The following LRRC45 variants were observed in gnomAD, a reference collection of about 807,000 sequenced individuals.
The protein encoded by LRRC45 is leucine rich repeat containing 45, also known as leucine-rich repeat-containing protein 45.
In LRRC45, 73 loss-of-function variants were observed where a neutral mutation model predicts 85.4. The observed-to-expected ratio is 0.85, with a 90% CI of 0.71 to 1.04. The LOEUF (loss-of-function observed/expected upper bound fraction) is 1.04, where lower values mean the gene tolerates loss of function less well. LRRC45 is among the 50% of genes least tolerant of loss of function. The pLI is 0.00. For missense variants in LRRC45, 937 were observed against 883.3 expected, an observed-to-expected ratio of 1.06 and a Z score of -0.77; for synonymous variants, 429 against 386.0, an observed-to-expected ratio of 1.11 and a Z score of -1.31.
At position 82,029,143 on chromosome 17, in the gene LRRC45, G is replaced by A; in HGVS notation, c.1359G>A (p.Glu453=). ...HLEESEKAMQ[E]RVQRLEAARL... ...AGGAGAGTGAGAAGGCCATGCAGGA[G>A]CGGGTGCAGAGGCTGGAGGCGGCGC... Residue 453 remains glutamate, a synonymous_variant, in exon 13 of 17, where the codon GAG becomes GAA. Coordinates refer to ENST00000306688, the MANE Select transcript of LRRC45 (RefSeq NM_144999.4). The A allele has an allele frequency of 1.2e-6, 2 of 1,612,662 alleles. No homozygotes were observed. The highest frequency in any genetic ancestry group is 1.7e-6 in the Non-Finnish European group (2 of 1,179,934).
Position 82,028,455 on chromosome 17 carries a change from A to C in LRRC45, c.1184A>C (p.Gln395Pro). The change falls in exon 11 of 17, where the codon CAG becomes CCG. Residue 395 changes from glutamine (Q) to proline (P), a missense_variant. Gln to Pro is a moderately conservative substitution (Grantham distance 76). Coordinates refer to ENST00000306688, the MANE Select transcript of LRRC45 (RefSeq NM_144999.4). The stretch of plus-strand genomic sequence containing the variant: ...CAGGAGCAGCTGTTCCAGACCAGGC[A>C]GGAGATGACCAGCATGTCAGCTGAG... Reference protein sequence around the residue: ...CQQEQLFQTRQEMTSMSAELK... With the variant: ...CQQEQLFQTRPEMTSMSAELK... The C allele has an allele frequency of 6.2e-7, 1 of 1,612,746 alleles. No homozygotes were observed. The highest frequency in any genetic ancestry group is 8.5e-7 in the Non-Finnish European group (1 of 1,179,944).
At position 82,030,088 on chromosome 17, in the gene LRRC45, G is replaced by C. The variant is rs1046120614; in HGVS notation, c.1518G>C (p.Glu506Asp). The C allele has an allele frequency of 3.2e-6, 5 of 1,546,310 alleles. No individual in the cohort carries two copies. In the Admixed American group the frequency reaches 9.8e-5, roughly 30 times the overall value. The change falls in exon 15 of 17, where the codon GAG becomes GAC. Residue 506 changes from glutamate to aspartate, a missense_variant. Coordinates refer to ENST00000306688, the MANE Select transcript of LRRC45 (RefSeq NM_144999.4). ...AGCAACAGCGCCTGGCTCACCTGGA[G>C]GACAAGCTGAGACTGCTGGCGCAGG... The part of the protein sequence containing the change: ...LEEQQRLAHL[E>D]DKLRLLAQAR...
chr17:82,028,429 G>A lies in LRRC45; in HGVS notation c.1158G>A (p.Gln386=). Residue 386 remains glutamine (Q), a synonymous_variant, in exon 11 of 17, where the codon CAG becomes CAA. Coordinates refer to ENST00000306688, the MANE Select transcript of LRRC45 (RefSeq NM_144999.4). ...VDELERKFRC[Q]QEQLFQTRQE... is the part of the protein sequence containing the mutation. ...AGTTGGAGCGGAAGTTCAGGTGTCAGCAGGAGCAGCTGTTCCAGACCAGGC... is the reference window on the plus strand; with the variant it reads ...AGTTGGAGCGGAAGTTCAGGTGTCAACAGGAGCAGCTGTTCCAGACCAGGC... 6.2e-7 allele frequency: 1 copy of A among 1,612,788 alleles called. No individual in the cohort carries two copies. Among genetic ancestry groups the A allele is most frequent in the African/African-American group, 1.3e-5 (1 of 75,058 alleles).
chr17:82,024,636 C>CG, intron 2 of LRRC45, 57 bp from the exon 3 acceptor site: 1 of 1,529,496 alleles, frequency 6.5e-7, no homozygotes, highest in Non-Finnish European at 8.8e-7. Context: ...GGGGCATGGG[C>CG]GGGAATTCAG....
At chr17:82,027,207 C>G (rs1241858649) in intron 6 of LRRC45, among the ~76,000 whole-genome samples, 179 bp from the exon 7 acceptor site, 3 of 152,218 alleles carry the variant, frequency 2.0e-5, no homozygotes, top group African/African-American at 4.8e-5. Flanking sequence ...GAGCTGGCGT[C>G]TGAGCCCTGA....
chr17:82,027,366 GCGGCTGTCTCTGTCCC>G lies in LRRC45; in HGVS notation c.775-18_775-3del, dbSNP rs1489957252. 1 of 1,612,340 alleles carries G rather than the reference GCGGCTGTCTCTGTCCC, an allele frequency of 6.2e-7. No individual in the cohort carries two copies. The highest frequency in any genetic ancestry group is 8.5e-7 in the Non-Finnish European group (1 of 1,179,916). On this transcript the variant is annotated splice_polypyrimidine_tract_variant and splice_region_variant and intron_variant, in intron 6 of 16. Coordinates refer to ENST00000306688, the MANE Select transcript of LRRC45 (RefSeq NM_144999.4). Reference sequence around the variant, plus strand: ...AGGCTGCAGGTGCCCTGACAGGGCTGCGGCTGTCTCTGTCCCCAGTTCCTCGACTTGATGGAGACTA... The same window carrying G: ...AGGCTGCAGGTGCCCTGACAGGGCTGCAGTTCCTCGACTTGATGGAGACTA...
Position 82,025,437 on chromosome 17 carries a change from C to T in LRRC45, c.591C>T (p.Pro197=), listed in dbSNP as rs1446615255. Residue 197 remains proline, a synonymous_variant, in exon 5 of 17, where the codon CCC becomes CCT. Coordinates refer to ENST00000306688, the MANE Select transcript of LRRC45 (RefSeq NM_144999.4). ...LGGRALMNCL[P]SNRTLWRLDL... is the part of the protein sequence containing the mutation. ...GCCGGGCCCTCATGAACTGTCTCCCCAGCAACAGAACCCTGTGGAGACTGG... is the reference window on the plus strand; with the variant it reads ...GCCGGGCCCTCATGAACTGTCTCCCTAGCAACAGAACCCTGTGGAGACTGG... 4 of 1,608,858 alleles carry T rather than the reference C, an allele frequency of 2.5e-6. No homozygotes were observed. The highest frequency in any genetic ancestry group is 3.4e-6 in the Non-Finnish European group (4 of 1,177,750).
chr17:82,028,397 G>T lies in LRRC45; in HGVS notation c.1126G>T (p.Val376Leu). Residue 376 changes from valine to leucine, a missense_variant and splice_region_variant, in exon 11 of 17, where the codon GTA becomes TTA. Physicochemically the swap from Val to Leu is conservative, Grantham distance 32. Transcript: ENST00000306688. ...TTCCCTCCCTGGTGCCGGCTTTCAG[G>T]TAGACGAGTTGGAGCGGAAGTTCAG... ...NEKNLLLQNQVDELERKFRCQ... is the reference protein window; with the variant it reads ...NEKNLLLQNQLDELERKFRCQ... The T allele has an allele frequency of 6.2e-7, 1 of 1,612,506 alleles. No homozygotes were observed. Among genetic ancestry groups the T allele is most frequent in the Admixed American group, 1.7e-5 (1 of 59,996 alleles).
In LRRC45 at chr17:82,029,562, C is replaced by G. The variant is rs765742628; in HGVS notation, c.1421C>G (p.Ala474Gly). The G allele has an allele frequency of 1.9e-6, 3 of 1,575,702 alleles. No homozygotes were observed. The highest frequency in any genetic ancestry group is 2.6e-6 in the Non-Finnish European group (3 of 1,162,244). ...GTGCAGGAGCTGAGCCGAGTGAAAGCAGCGGCACTCAGCGAGCGTGGCCAG... is the reference window on the plus strand; with the variant it reads ...GTGCAGGAGCTGAGCCGAGTGAAAGGAGCGGCACTCAGCGAGCGTGGCCAG... ...SLEEELSRVK[A>G]AALSERGQAE... is the part of the protein sequence containing the mutation. The change falls in exon 14 of 17, where the codon GCA (alanine) becomes GGA (glycine). Residue 474 changes from alanine (A) to glycine (G), a missense_variant. Physicochemically the swap from Ala to Gly is moderately conservative, Grantham distance 60. Coordinates refer to ENST00000306688, the MANE Select transcript of LRRC45 (RefSeq NM_144999.4).
Position 82,023,836 on chromosome 17 carries a change from C to G in LRRC45, c.193C>G (p.Leu65Val). 6.4e-7 allele frequency: 1 copy of G among 1,565,320 alleles called. No homozygotes were observed. The highest frequency in any genetic ancestry group is 8.6e-7 in the Non-Finnish European group (1 of 1,157,138). ...PRETLCTELV[L>V]SDCMLSEEGA... ...GGAGACGCTGTGCACGGAGCTGGTC[C>G]TGAGTGACTGCATGCTCAGCGAGGA... The change falls in exon 1 of 17, where the codon CTG becomes GTG. Residue 65 changes from leucine (L) to valine (V), a missense_variant. Physicochemically the swap from Leu to Val is conservative, Grantham distance 32. Transcript: ENST00000306688.
At chr17:82,027,104 TCCCTTCCTCGGGG>T in intron 6 of LRRC45, 93 bp downstream of exon 6, 1 of 1,159,086 alleles carries the variant, frequency 8.6e-7, no homozygotes, top group South Asian at 1.3e-5. Flanking sequence ...CTGCCCATCT[TCCCTTCCTCGGGG>T]CCCTGGAGCC....
Position 82,030,246 on chromosome 17 carries a change from G to C in LRRC45, c.1668+8G>C, listed in dbSNP as rs754318806. ...CTGGAAGAGCTGCAGCAGGTAGGCGGGGCTCCGGTGGGGGGCCCCGGGCGT... is the reference window on the plus strand; with the variant it reads ...CTGGAAGAGCTGCAGCAGGTAGGCGCGGCTCCGGTGGGGGGCCCCGGGCGT... On this transcript the variant is annotated splice_region_variant and intron_variant, in intron 15 of 16. Coordinates refer to ENST00000306688, the MANE Select transcript of LRRC45 (RefSeq NM_144999.4). The C allele has an allele frequency of 2.6e-6, 4 of 1,533,778 alleles. No individual in the cohort carries two copies. The South Asian group carries it at 4.8e-5, about 18-fold the overall frequency.
rs115959429 is a variant in LRRC45, at chr17:82,027,996, C to T, written c.912-15C>T. ...ACTCCAACCGGGGCGGGGGTGCTGCCCCTCCTTTCTGCAGGCTGCAGATGA... is the reference window on the plus strand; with the variant it reads ...ACTCCAACCGGGGCGGGGGTGCTGCTCCTCCTTTCTGCAGGCTGCAGATGA... On this transcript the variant is annotated splice_polypyrimidine_tract_variant and intron_variant, in intron 8 of 16. Coordinates refer to ENST00000306688, the MANE Select transcript of LRRC45 (RefSeq NM_144999.4). The T allele has an allele frequency of 1.9e-4, 299 of 1,589,276 alleles. 3 individuals are homozygous for T. In the African/African-American group the frequency reaches 3.4e-3, roughly 18 times the overall value.
chr17:82,030,088 G>A lies in LRRC45; in HGVS notation c.1518G>A (p.Glu506=). 1.9e-6 allele frequency: 3 copies of A among 1,546,310 alleles called. No individual in the cohort carries two copies. The highest frequency in any genetic ancestry group is 8.7e-7 in the Non-Finnish European group (1 of 1,147,082). ...LEEQQRLAHL[E]DKLRLLAQAR... is the part of the protein sequence containing the mutation. ...AGCAACAGCGCCTGGCTCACCTGGA[G>A]GACAAGCTGAGACTGCTGGCGCAGG... is the stretch of plus-strand genomic sequence containing the variant. The change falls in exon 15 of 17, where the codon GAG becomes GAA. Residue 506 remains glutamate, a synonymous_variant. Transcript: ENST00000306688.
Position 82,024,647 on chromosome 17 carries a change from A to C in LRRC45, c.283-46A>C, listed in dbSNP as rs766480083. 4 of 1,545,742 alleles carry C rather than the reference A, an allele frequency of 2.6e-6. No homozygotes were observed. In the Admixed American group the frequency reaches 8.2e-5, roughly 32 times the overall value. ...CCTTGGGGCATGGGCGGGAATTCAGAGCCAGTCAGGGCACGCGAGTGACTA... is the reference window on the plus strand; with the variant it reads ...CCTTGGGGCATGGGCGGGAATTCAGCGCCAGTCAGGGCACGCGAGTGACTA... On this transcript the variant is annotated intron_variant, in intron 2 of 16. Transcript: ENST00000306688.
At chr17:82,027,248 T>C (rs922035975) in intron 6 of LRRC45, 138 bp from the exon 7 acceptor site, 2 of 1,125,726 alleles carry the variant, frequency 1.8e-6, no homozygotes, top group African/African-American at 3.1e-5. Flanking sequence ...ACCCTTCCTG[T>C]GAAGGAGACA....
intron 12 of LRRC45, 91 bp downstream of exon 12, chr17:82,028,774 C>G: frequency 7.3e-7 from 1 of 1,372,038 alleles, no homozygotes; most frequent in South Asian, 1.3e-5. Flanking sequence ...GGGAGCTTCC[C>G]TTGCCAACCT....
At chr17:82,024,794 C>G (rs924516275) in intron 3 of LRRC45, 31 bp downstream of exon 3, 16 of 1,560,816 alleles carry the variant, frequency 1.0e-5, no homozygotes, top group Non-Finnish European at 1.4e-5. Context: ...CAGGCCCTGT[C>G]TCTGTGTGGT....
chr17:82,027,455 C>T lies in LRRC45; in HGVS notation c.833+11C>T. The T allele has an allele frequency of 6.2e-7, 1 of 1,612,586 alleles. No individual in the cohort carries two copies. The highest frequency in any genetic ancestry group is 8.5e-7 in the Non-Finnish European group (1 of 1,179,910). ...GGCCAAGAGCAGCAGGTGAGCGGGC[C>T]CAGGGCAGGGGCAGGGTGAGGCTTC... On this transcript the variant is annotated intron_variant, in intron 7 of 16. Transcript: ENST00000306688.
Sources: gnomAD v4.1 joint callset for allele counts (sites outside exome capture counted in the v4.1 genomes callset) on GRCh38, gnomAD v4.1.1 for gene constraint, MANE v1.5 for transcripts, NCBI Gene and HGNC (gene_info 2026-07-23, HGNC 2026-07-21) for gene names.